The following STPG2 variants were observed in gnomAD, a reference collection of about 807,000 sequenced individuals.
STPG2 encodes sperm tail PG-rich repeat containing 2, also known as sperm-tail PG-rich repeat-containing protein 2.
In STPG2, 56 loss-of-function variants were observed where a neutral mutation model predicts 54.2. The observed-to-expected ratio is 1.03, with a 90% CI of 0.83 to 1.29. The LOEUF is 1.29. Among genes scored for constraint, STPG2 ranks in the 50% most tolerant of loss-of-function variants. The probability of loss-of-function intolerance (pLI) is 0.00; values close to 1 mark genes in which losing one functional copy is unlikely to be tolerated. For missense variants in STPG2, 596 were observed against 544.9 expected, an observed-to-expected ratio of 1.09 and a Z score of -0.93; for synonymous variants, 200 against 181.8, an observed-to-expected ratio of 1.10 and a Z score of -0.81.
intron 10 of STPG2, among the ~76,000 whole-genome samples, chr4:97,564,946 C>A (rs1214894362): frequency 1.3e-5 from 2 of 152,060 alleles, no homozygotes; most frequent in African/African-American, 4.8e-5. Context: ...ATCTTTGTGG[C>A]GTTCTCTGTA....
intron 9 of STPG2, among the ~76,000 whole-genome samples, chr4:97,807,050 A>C (rs1239854906): frequency 6.6e-6 from 1 of 151,936 alleles, no homozygotes; most frequent in Non-Finnish European, 1.5e-5. Flanking sequence ...GTTATGTTAC[A>C]TATTCCATTA....
At chr4:98,084,367 T>C (rs1240545257) in intron 5 of STPG2, among the ~76,000 whole-genome samples, 1 of 152,192 alleles carries the variant, frequency 6.6e-6, no homozygotes, top group African/African-American at 2.4e-5. Flanking sequence ...TGATTAACAT[T>C]TGGGTTGTTT....
chr4:97,852,219 A>G (rs1210859523), intron 8 of STPG2, among the ~76,000 whole-genome samples: 2 of 152,226 alleles, frequency 1.3e-5, no homozygotes, highest in Admixed American at 6.5e-5. Flanking sequence ...AGAAATGTCT[A>G]CAAGTAGGAT....
intron 5 of STPG2, among the ~76,000 whole-genome samples, chr4:98,089,487 A>G (rs770530128): frequency 4.6e-5 from 7 of 151,290 alleles, no homozygotes; most frequent in African/African-American, 7.3e-5. Flanking sequence ...TATCTTTGCA[A>G]TTGCGAACTG....
At chr4:97,469,660 T>C (rs988481251) in intron 4 of STPG2, among the ~76,000 whole-genome samples, 9 of 151,864 alleles carry the variant, frequency 5.9e-5, no homozygotes, top group African/African-American at 1.5e-4. Context: ...TAGTTGTTTC[T>C]GACCCAAGAC....
At chr4:98,093,344 T>C (rs7687958) in intron 5 of STPG2, among the ~76,000 whole-genome samples, 60,193 of 152,026 alleles carry the variant, frequency 0.4, 12,165 homozygotes, top group Middle Eastern at 0.46. Flanking sequence ...ATTAAAACAA[T>C]ACTACATGTA....
chr4:97,860,226 A>G (rs1218144149), intron 8 of STPG2, among the ~76,000 whole-genome samples: 1 of 152,004 alleles, frequency 6.6e-6, no homozygotes, highest in Non-Finnish European at 1.5e-5. Flanking sequence ...TTTTTGTTCC[A>G]TATGAATTTT....
chr4:97,505,227 C>G (rs1730818804), intron 4 of STPG2, among the ~76,000 whole-genome samples: 3 of 151,774 alleles, frequency 2.0e-5, no homozygotes, highest in African/African-American at 7.3e-5. Context: ...TTTGGAAAAT[C>G]CTTGTGTTTA....
chr4:97,716,015 C>T (rs1306656335), intron 9 of STPG2, among the ~76,000 whole-genome samples: 1 of 152,046 alleles, frequency 6.6e-6, no homozygotes, highest in Non-Finnish European at 1.5e-5. Flanking sequence ...ATAACCCTGT[C>T]AAAAGGTTGG....
At chr4:97,983,725 C>T (rs972729601) in intron 5 of STPG2, among the ~76,000 whole-genome samples, 11 of 152,132 alleles carry the variant, frequency 7.2e-5, no homozygotes, top group Admixed American at 6.6e-4. Context: ...GATCTGGGCA[C>T]TTGATGTGTC....
Position 97,840,863 on chromosome 4 carries a change from T to C in STPG2, c.1114A>G (p.Met372Val). ...TTAGCCACTAAACTACGAGGTGGCA[T>C]ATATTTATGCTTAACTTGGGACATC... ...YEMSQVKHKY[M>V]PPRSLVAKRK... The change falls in exon 9 of 11, where the codon ATG (methionine) becomes GTG (valine). Residue 372 changes from methionine to valine, a missense_variant. Met to Val is a conservative substitution (Grantham distance 21). Coordinates refer to ENST00000295268, the MANE Select transcript of STPG2 (RefSeq NM_174952.3). The C allele has an allele frequency of 1.2e-6, 2 of 1,612,288 alleles. No homozygotes were observed. Among genetic ancestry groups the C allele is most frequent in the Non-Finnish European group, 1.7e-6 (2 of 1,178,690 alleles).
chr4:97,818,046 G>A (rs1323749079), intron 9 of STPG2, among the ~76,000 whole-genome samples: 1 of 151,686 alleles, frequency 6.6e-6, no homozygotes, highest in Non-Finnish European at 1.5e-5. Context: ...GAGTCCAAAG[G>A]CCTCTTTTCA....
At chr4:97,461,624 C>A (rs890729729) in intron 4 of STPG2, among the ~76,000 whole-genome samples, 1 of 152,156 alleles carries the variant, frequency 6.6e-6, no homozygotes, top group South Asian at 2.1e-4. Flanking sequence ...TTGTTTATAA[C>A]CCACCCAGTC....
Position 97,781,912 on chromosome 4 carries a change from A to G in STPG2, c.1204+58861T>C, listed in dbSNP as rs190348868. Among the ~76,000 whole-genome samples, 73 of 152,338 alleles carry G rather than the reference A, an allele frequency of 4.8e-4. 1 individual carries two copies. Among genetic ancestry groups the G allele is most frequent in the Admixed American group, 2.0e-3 (31 of 15,298 alleles). On this transcript the variant is annotated intron_variant, in intron 9 of 10. Coordinates refer to ENST00000295268, the MANE Select transcript of STPG2 (RefSeq NM_174952.3). Reference sequence around the variant, plus strand: ...TCATGCTAAAAACTCTCAAGAAATTAGGTATTGATAGGCCGTATCTTAAAA... The same window carrying G: ...TCATGCTAAAAACTCTCAAGAAATTGGGTATTGATAGGCCGTATCTTAAAA...
At position 97,467,935 on chromosome 4, in the gene STPG2, TA is replaced by T. The variant is rs1729828789; in HGVS notation, c.462+244763del. On this transcript the variant is annotated intron_variant, in intron 4 of 4. Coordinates refer to the STPG2 transcript ENST00000522676. ...TGAGGTTCTTATGTGGCATACTACA[TA>T]GACTGTAGAGAATAAACATTATATT... Among the ~76,000 whole-genome samples, 6 of 151,438 alleles carry T rather than the reference TA, an allele frequency of 4.0e-5. No homozygotes were observed. In the South Asian group the frequency reaches 1.3e-3, roughly 32 times the overall value.
intron 9 of STPG2, among the ~76,000 whole-genome samples, chr4:97,713,840 AT>A (rs1430230037): frequency 1.3e-5 from 2 of 151,984 alleles, no homozygotes; most frequent in African/African-American, 4.8e-5. Context: ...GGGAGACGTA[AT>A]TTTTTTTCTT....
At chr4:97,923,920 G>T (rs957800774) in intron 8 of STPG2, among the ~76,000 whole-genome samples, 4 of 152,096 alleles carry the variant, frequency 2.6e-5, no homozygotes, top group African/African-American at 9.7e-5. Context: ...CTGTAAAATG[G>T]GCCAATCAGC....
intron 9 of STPG2, among the ~76,000 whole-genome samples, chr4:97,723,536 C>T (rs1291472334): frequency 6.6e-6 from 1 of 152,048 alleles, no homozygotes; most frequent in Non-Finnish European, 1.5e-5. Flanking sequence ...GTAGTTTTAC[C>T]TTTCCATTTA....
chr4:97,712,467 T>C (rs1019450826), intron 10 of STPG2, among the ~76,000 whole-genome samples: 6 of 152,114 alleles, frequency 3.9e-5, no homozygotes, highest in African/African-American at 1.4e-4. Flanking sequence ...TATATATGAA[T>C]ACTGCAAAGC....
Sources: gnomAD v4.1 joint callset for allele counts (sites outside exome capture counted in the v4.1 genomes callset) on GRCh38, gnomAD v4.1.1 for gene constraint, MANE v1.5 for transcripts, NCBI Gene and HGNC (gene_info 2026-07-23, HGNC 2026-07-21) for gene names.